AUTS2: variants seen among roughly 807,000 people sequenced by gnomAD.
The protein encoded by AUTS2 is activator of transcription and developmental regulator AUTS2.
A neutral mutation model predicts 112.4 loss-of-function variants in AUTS2; 17 were observed. The ratio of observed to expected loss-of-function variants is 0.15; its 90% CI spans 0.10 to 0.23. The LOEUF (loss-of-function observed/expected upper bound fraction) is 0.23, where lower values mean the gene tolerates loss of function less well. Ranked by LOEUF, AUTS2 falls within the 10% of genes least tolerant of loss-of-function variation. The pLI is 1.00. For synonymous variants in AUTS2, 751 were observed against 702.7 expected (o/e 1.07, Z -1.09); for missense variants, 1,510 against 1,701.6 (o/e 0.89, Z 1.98).
intron 2 of AUTS2, among the ~76,000 whole-genome samples, chr7:69,967,648 C>G (rs1016466037): frequency 6.6e-6 from 1 of 152,164 alleles, no homozygotes; most frequent in African/African-American, 2.4e-5. Flanking sequence ...AACTCAGCAT[C>G]GGAAAGAAGC....
At chr7:70,317,672 T>C (rs1490963717) in intron 4 of AUTS2, among the ~76,000 whole-genome samples, 1 of 152,172 alleles carries the variant, frequency 6.6e-6, no homozygotes, top group African/African-American at 2.4e-5. Context: ...GGCACAAGCA[T>C]GGAGCACTAG....
At chr7:70,786,263 G>A (rs375976860) in intron 17 of AUTS2, among the ~76,000 whole-genome samples, 3 of 152,174 alleles carry the variant, frequency 2.0e-5, no homozygotes, top group Admixed American at 6.5e-5. Context: ...GGGCAGGAAC[G>A]GCAGTGTAGT....
chr7:70,341,110 C>T (rs184370508), intron 4 of AUTS2, among the ~76,000 whole-genome samples: 33 of 152,252 alleles, frequency 2.2e-4, no homozygotes, highest in Admixed American at 2.0e-3. Flanking sequence ...TAATAAGGGA[C>T]TCTGATTTAT....
intron 2 of AUTS2, among the ~76,000 whole-genome samples, chr7:70,107,830 G>A (rs949644290): frequency 6.6e-6 from 1 of 150,768 alleles, no homozygotes; most frequent in Non-Finnish European, 1.5e-5. Flanking sequence ...TGGCCAACAA[G>A]GTGAAACCCC....
At chr7:70,670,277 A>G (rs1385872609) in intron 5 of AUTS2, among the ~76,000 whole-genome samples, 1 of 152,218 alleles carries the variant, frequency 6.6e-6, no homozygotes, top group Non-Finnish European at 1.5e-5. Flanking sequence ...AAGGCTTACA[A>G]ATGAAATGAT....
chr7:70,733,866 C>T (rs1465857529), intron 6 of AUTS2, among the ~76,000 whole-genome samples: 1 of 151,960 alleles, frequency 6.6e-6, no homozygotes, highest in South Asian at 2.1e-4. Context: ...GGATTACAGG[C>T]GTGAGCCACC....
intron 5 of AUTS2, among the ~76,000 whole-genome samples, chr7:70,566,138 TAA>T (rs1801697941): frequency 2.0e-5 from 3 of 152,188 alleles, no homozygotes; most frequent in Non-Finnish European, 4.4e-5. Context: ...AACCTCCAAA[TAA>T]TAGCACTTTC....
intron 4 of AUTS2, among the ~76,000 whole-genome samples, chr7:70,215,770 A>G (rs1811134176): frequency 6.6e-6 from 1 of 152,158 alleles, no homozygotes; most frequent in South Asian, 2.1e-4. Context: ...GGTGAAGATG[A>G]TGAAATACTT....
chr7:69,995,116 T>G (rs1044706541), intron 2 of AUTS2, among the ~76,000 whole-genome samples: 1 of 152,168 alleles, frequency 6.6e-6, no homozygotes, highest in African/African-American at 2.4e-5. Flanking sequence ...ATGTTGGCTT[T>G]AGAGCCACCA....
intron 5 of AUTS2, among the ~76,000 whole-genome samples, chr7:70,688,209 T>C (rs1306094510): frequency 6.6e-6 from 1 of 152,264 alleles, no homozygotes; most frequent in South Asian, 2.1e-4. Context: ...TGGGACAATT[T>C]CCACCGTGTC....
chr7:70,326,845 T>C (rs1206490679), intron 4 of AUTS2, among the ~76,000 whole-genome samples: 2 of 151,980 alleles, frequency 1.3e-5, no homozygotes, highest in Non-Finnish European at 1.5e-5. Flanking sequence ...ACGATCTCAG[T>C]ATCACAGTTC....
intron 4 of AUTS2, among the ~76,000 whole-genome samples, chr7:70,262,927 T>A (rs2129607498): frequency 6.6e-6 from 1 of 152,320 alleles, no homozygotes; most frequent in South Asian, 2.1e-4. Context: ...AATACAGTCA[T>A]AGGCCATTTA....
At chr7:70,549,862 A>T (rs1800946559) in intron 5 of AUTS2, among the ~76,000 whole-genome samples, 1 of 152,196 alleles carries the variant, frequency 6.6e-6, no homozygotes, top group Admixed American at 6.5e-5. Context: ...AGGCTCATTT[A>T]TGTAACCCAC....
At position 70,790,356 on chromosome 7, in the gene AUTS2, C is replaced by A. The variant is rs1166458226; in HGVS notation, c.3140C>A (p.Thr1047Asn). The A allele has an allele frequency of 1.9e-6, 3 of 1,613,928 alleles. No homozygotes were observed. The highest frequency in any genetic ancestry group is 2.5e-6 in the Non-Finnish European group (3 of 1,180,028). The change falls in exon 19 of 19, where the codon ACC becomes AAC. Residue 1047 changes from threonine (T) to asparagine (N), a missense_variant. By Grantham distance (65) the Thr-to-Asn change is moderately conservative. This residue lies in a region of AUTS2 where 788 missense variants were observed against 797.6 expected (regional missense o/e 0.99). Transcript: ENST00000342771. The surrounding 1 kb of genome is among the most constrained non-coding windows in gnomAD (Gnocchi z 7.6). Reference protein sequence around the residue: ...ISSLDRTRMMTPFMGISPLPG... With the variant: ...ISSLDRTRMMNPFMGISPLPG... ...AGCCTGGACAGGACTCGCATGATGA[C>A]CCCCTTCATGGGCATCAGCCCCCTC...
intron 2 of AUTS2, among the ~76,000 whole-genome samples, chr7:70,111,093 A>T (rs1805063805): frequency 6.6e-6 from 1 of 151,218 alleles, no homozygotes; most frequent in Non-Finnish European, 1.5e-5. Context: ...GTTAGCCAGG[A>T]TGGTCTTGAT....
chr7:69,711,962 AAC>A (rs1189068745), intron 1 of AUTS2, among the ~76,000 whole-genome samples: 1 of 152,230 alleles, frequency 6.6e-6, no homozygotes, highest in African/African-American at 2.4e-5. Flanking sequence ...ACCAAGAATA[AAC>A]ACAGCAGAAT....
intron 5 of AUTS2, among the ~76,000 whole-genome samples, chr7:70,607,109 G>A (rs1375112790): frequency 1.3e-5 from 2 of 152,130 alleles, no homozygotes; most frequent in Non-Finnish European, 2.9e-5. Flanking sequence ...GGGCCCCACT[G>A]CACTTGGCCT....
intron 4 of AUTS2, among the ~76,000 whole-genome samples, chr7:70,328,564 A>G (rs1278677883): frequency 6.6e-6 from 1 of 152,074 alleles, no homozygotes; most frequent in African/African-American, 2.4e-5. Flanking sequence ...TTTATGTAAG[A>G]ATCACTTGAA....
chr7:70,787,165 AT>A, intron 17 of AUTS2, 43 bp from the exon 18 acceptor site: 1 of 1,589,956 alleles, frequency 6.3e-7, no homozygotes, highest in Non-Finnish European at 8.6e-7. Flanking sequence ...AGCAGATTAT[AT>A]AATTTCTCTT....
Sources: allele counts gnomAD v4.1 joint callset (sites outside exome capture counted in the v4.1 genomes callset), GRCh38; gene constraint gnomAD v4.1.1; regional missense constraint gnomAD v4.1.1; non-coding constraint Gnocchi (gnomAD v3.1); transcripts MANE v1.5; gene names NCBI Gene and HGNC (gene_info 2026-07-23, HGNC 2026-07-21).